SIPA1L3: variants seen among roughly 807,000 people sequenced by gnomAD.
SIPA1L3 encodes signal induced proliferation associated 1 like 3.
In SIPA1L3, 59 loss-of-function variants were observed where a neutral mutation model predicts 150.1. That is an observed-to-expected ratio of 0.39 (90% confidence interval 0.32 to 0.49). SIPA1L3 has a LOEUF of 0.49. SIPA1L3 is among the 20% of genes least tolerant of loss of function. The probability of loss-of-function intolerance (pLI) is 0.86; values close to 1 mark genes in which losing one functional copy is unlikely to be tolerated. For synonymous variants in SIPA1L3, 1,070 were observed against 1,077.6 expected, an observed-to-expected ratio of 0.99 and a Z score of 0.14; for missense variants, 2,211 against 2,489.5, an observed-to-expected ratio of 0.89 and a Z score of 2.38.
At chr19:38,110,178 C>T in intron 7 of SIPA1L3, 49 bp from the exon 8 acceptor site, 1 of 1,593,224 alleles carries the variant, frequency 6.3e-7, no homozygotes, top group Non-Finnish European at 8.6e-7. Context: ...CAGGACCCGT[C>T]AGGCCGACCT....
At chr19:38,018,580 C>T (rs913769133) in intron 1 of SIPA1L3, among the ~76,000 whole-genome samples, 21 of 152,306 alleles carry the variant, frequency 1.4e-4, no homozygotes, top group Non-Finnish European at 2.6e-4. Flanking sequence ...ATCCATGTCA[C>T]GCATGGATTC....
chr19:37,966,976 G>A (rs2145584596), intron 1 of SIPA1L3, among the ~76,000 whole-genome samples: 1 of 152,204 alleles, frequency 6.6e-6, no homozygotes. Flanking sequence ...TTTTATTAGG[G>A]CTGCCATCAC....
intron 2 of SIPA1L3, among the ~76,000 whole-genome samples, chr19:38,041,765 C>G (rs1285588929): frequency 6.6e-6 from 1 of 151,596 alleles, no homozygotes; most frequent in Admixed American, 6.6e-5. Flanking sequence ...TTTATAGAGA[C>G]AGGTCTCACT....
intron 10 of SIPA1L3, among the ~76,000 whole-genome samples, chr19:38,140,938 G>A (rs1971562013): frequency 6.6e-6 from 1 of 151,370 alleles, no homozygotes; most frequent in Non-Finnish European, 1.5e-5. Context: ...CTTGCCTGTA[G>A]TCCCAGCTAC....
intron 2 of SIPA1L3, among the ~76,000 whole-genome samples, chr19:38,048,419 C>T (rs1969109713): frequency 6.6e-6 from 1 of 152,140 alleles, no homozygotes; most frequent in African/African-American, 2.4e-5. Flanking sequence ...TGTCCACAGG[C>T]ATCAGGAGAG....
Position 38,206,196 on chromosome 19 carries a change from C to T in SIPA1L3, c.5302C>T (p.Arg1768Cys), listed in dbSNP as rs1012901403. ...EESQAASEQLRKFAEIFCREK... is the reference protein window; with the variant it reads ...EESQAASEQLCKFAEIFCREK... ...GTCGCAGGCCGCCAGCGAGCAGCTG[C>T]GCAAGTTTGCGGAGATCTTCTGCAG... Residue 1768 changes from arginine (R) to cysteine (C), a missense_variant, in exon 22 of 22, where the codon CGC becomes TGC. Physicochemically the swap from Arg to Cys is radical, Grantham distance 180. Around this residue, in one of 5 missense-constraint regions of SIPA1L3, gnomAD observed 63 missense variants for 106.1 expected, o/e 0.59. Transcript: ENST00000222345. 10 of 1,560,446 alleles carry T rather than the reference C, an allele frequency of 6.4e-6. No individual in the cohort carries two copies. Among genetic ancestry groups the T allele is most frequent in the South Asian group, 5.9e-5 (5 of 84,416 alleles).
In SIPA1L3 at chr19:38,080,969, C is replaced by CAAAA. The variant is rs34741674; in HGVS notation, c.-310-275_-310-272dup. Among the ~76,000 whole-genome samples the CAAAA allele has an allele frequency of 1.4e-4, 17 of 117,574 alleles. No homozygotes were observed. The South Asian group carries it at 4.1e-3, about 29-fold the overall frequency. The allele number at this position is 117,574 out of a possible 152,430, so 77.1% of individuals were successfully genotyped here. A position where few individuals can be genotyped will look rare whatever the true frequency, so the allele number is the denominator to read the frequency against. ...TGGGTGACAGAGCGAGACTCTGTCT[C>CAAAA]AAAAAAAAAAAAAAATGATGTCTGG... On this transcript the variant is annotated intron_variant, in intron 2 of 21. Transcript: ENST00000222345.
chr19:38,127,135 T>C (rs1971194910), intron 9 of SIPA1L3, among the ~76,000 whole-genome samples: 1 of 152,116 alleles, frequency 6.6e-6, no homozygotes, highest in South Asian at 2.1e-4. Flanking sequence ...GAGGTTGCGA[T>C]GAGCCAAGAT....
At chr19:38,058,048 C>G (rs994820990) in intron 2 of SIPA1L3, among the ~76,000 whole-genome samples, 1 of 152,034 alleles carries the variant, frequency 6.6e-6, no homozygotes, top group Non-Finnish European at 1.5e-5. Flanking sequence ...GTCTGTTGTC[C>G]TGGGGAGTGG....
At chr19:38,186,568 G>C (rs953824544) in intron 16 of SIPA1L3, among the ~76,000 whole-genome samples, 8 of 151,284 alleles carry the variant, frequency 5.3e-5, no homozygotes, top group Non-Finnish European at 1.0e-4. Flanking sequence ...TGGTCAGGCT[G>C]GTCTCGAACT....
At chr19:37,910,520 C>A (rs1277081078) in intron 1 of SIPA1L3, among the ~76,000 whole-genome samples, 4 of 149,434 alleles carry the variant, frequency 2.7e-5, no homozygotes, top group Non-Finnish European at 4.4e-5. Flanking sequence ...CAGAGTGAGA[C>A]CCTGTCTCAG....
chr19:37,915,272 T>C (rs1180013061), intron 1 of SIPA1L3, among the ~76,000 whole-genome samples: 1 of 152,142 alleles, frequency 6.6e-6, no homozygotes, highest in Non-Finnish European at 1.5e-5. Context: ...AGGCACAGGT[T>C]AGCATGAAAC....
intron 15 of SIPA1L3, among the ~76,000 whole-genome samples, chr19:38,176,969 C>T (rs1241452011): frequency 1.3e-5 from 2 of 150,336 alleles, no homozygotes; most frequent in South Asian, 2.1e-4. Flanking sequence ...GAAACTCCGT[C>T]TCAAAAAAAC....
chr19:37,940,310 CA>C (rs535337658), intron 1 of SIPA1L3, among the ~76,000 whole-genome samples: 4 of 147,038 alleles, frequency 2.7e-5, no homozygotes, highest in South Asian at 4.3e-4. Flanking sequence ...AAAAAAAAAA[CA>C]AAAAAAAAGC....
In SIPA1L3 at chr19:38,082,453, G is replaced by A. The variant is rs768508924; in HGVS notation, c.888G>A (p.Thr296=). Residue 296 remains threonine (T), a synonymous_variant, in exon 3 of 22, where the codon ACG becomes ACA. Coordinates refer to ENST00000222345, the MANE Select transcript of SIPA1L3 (RefSeq NM_015073.3). ...CGCGGGGCCTCGGCGGCGGGGACACGGTGGACTCGTCCATCTTTCGGAAGC... is the reference window on the plus strand; with the variant it reads ...CGCGGGGCCTCGGCGGCGGGGACACAGTGGACTCGTCCATCTTTCGGAAGC... The part of the protein sequence containing the change: ...KPARGLGGGD[T]VDSSIFRKLR... 3.8e-6 allele frequency: 6 copies of A among 1,590,094 alleles called. No individual in the cohort carries two copies. Among genetic ancestry groups the A allele is most frequent in the African/African-American group, 2.7e-5 (2 of 74,556 alleles).
At chr19:38,029,353 C>A (rs911157529) in intron 2 of SIPA1L3, among the ~76,000 whole-genome samples, 197 bp downstream of exon 2, 1 of 152,182 alleles carries the variant, frequency 6.6e-6, no homozygotes, top group Admixed American at 6.5e-5. Context: ...CAGACCTTTT[C>A]CCATACACAA....
chr19:37,936,457 A>C (rs705496), intron 1 of SIPA1L3, among the ~76,000 whole-genome samples: 102,423 of 152,138 alleles, frequency 0.67, 35,990 homozygotes, highest in African/African-American at 0.87. Context: ...ATTTGCAGAC[A>C]TTGACCAGAT....
At chr19:38,165,837 ACTG>A (rs1972197383) in intron 15 of SIPA1L3, among the ~76,000 whole-genome samples, 1 of 152,206 alleles carries the variant, frequency 6.6e-6, no homozygotes, top group Non-Finnish European at 1.5e-5. Context: ...TCTCAGGCTC[ACTG>A]CACCCTCTAC....
chr19:38,176,004 A>G (rs201295173), intron 15 of SIPA1L3, among the ~76,000 whole-genome samples: 1 of 151,536 alleles, frequency 6.6e-6, no homozygotes, highest in Non-Finnish European at 1.5e-5. Context: ...TCAGAAGTTC[A>G]AGACCAGCCT....
Sources: allele counts gnomAD v4.1 joint callset (sites outside exome capture counted in the v4.1 genomes callset), GRCh38; gene constraint gnomAD v4.1.1; regional missense constraint gnomAD v4.1.1; transcripts MANE v1.5; gene names NCBI Gene and HGNC (gene_info 2026-07-23, HGNC 2026-07-21).